The following RERE variants were observed in gnomAD, a reference collection of about 807,000 sequenced individuals.
RERE encodes arginine-glutamic acid dipeptide repeats, also known as arginine-glutamic acid dipeptide repeats protein.
Under a neutral mutation model 146.1 loss-of-function variants are expected in RERE, and 40 were observed. That is an observed-to-expected ratio of 0.27 (90% CI 0.21 to 0.36). The LOEUF (loss-of-function observed/expected upper bound fraction) is 0.36, where lower values mean the gene tolerates loss of function less well. Ranked by LOEUF, RERE falls within the 10% of genes least tolerant of loss-of-function variation. The pLI is 1.00. For synonymous variants in RERE, 1,003 were observed against 866.0 expected (o/e 1.16, Z -2.78); for missense variants, 1,933 against 2,138.7 (o/e 0.90, Z 1.90).
chr1:8,700,473 CATAA>C (rs934805133), intron 1 of RERE, among the ~76,000 whole-genome samples: 1 of 152,016 alleles, frequency 6.6e-6, no homozygotes, highest in African/African-American at 2.4e-5. Context: ...CAAATCTACT[CATAA>C]ATACTTTCTA....
chr1:8,366,101 G>C (rs368768182), intron 12 of RERE, 127 bp from the exon 13 acceptor site: 3 of 997,228 alleles, frequency 3.0e-6, no homozygotes, highest in Non-Finnish European at 1.5e-6. Context: ...AAGACCAGTC[G>C]CTCCTGGAGT....
intron 10 of RERE, 53 bp from the exon 11 acceptor site, chr1:8,466,076 A>C: frequency 6.8e-7 from 1 of 1,464,748 alleles, no homozygotes; most frequent in South Asian, 1.2e-5. Flanking sequence ...CAGACAGGAC[A>C]CAATCGATCC....
chr1:8,802,468 T>A (rs1444680235), intron 1 of RERE, among the ~76,000 whole-genome samples: 1 of 152,266 alleles, frequency 6.6e-6, no homozygotes, highest in Admixed American at 6.5e-5. Context: ...TTCCAGGCTC[T>A]GTGCCTTTGC....
chr1:8,668,192 T>C (rs1240826997), intron 1 of RERE, among the ~76,000 whole-genome samples: 3 of 152,270 alleles, frequency 2.0e-5, no homozygotes, highest in Admixed American at 1.3e-4. Flanking sequence ...AACTATAGTC[T>C]GCCATGTTCT....
intron 1 of RERE, among the ~76,000 whole-genome samples, chr1:8,766,306 A>G (rs1181169263): frequency 6.6e-6 from 1 of 152,086 alleles, no homozygotes. Flanking sequence ...TTGGGAGGCC[A>G]AGGCTGGCAG....
intron 7 of RERE, among the ~76,000 whole-genome samples, chr1:8,523,614 A>G (rs148341331): frequency 2.0e-5 from 3 of 152,136 alleles, no homozygotes; most frequent in South Asian, 2.1e-4. Context: ...TAGCATTCCA[A>G]AAAATATTTT....
intron 12 of RERE, among the ~76,000 whole-genome samples, chr1:8,398,328 G>T (rs558267118): frequency 6.6e-6 from 1 of 152,180 alleles, no homozygotes; most frequent in African/African-American, 2.4e-5. Flanking sequence ...TCAGGCAAGG[G>T]GGTTAGTACT....
rs536778630 is a variant in RERE, at chr1:8,535,427, T to G, written c.830+5787A>C. Among the ~76,000 whole-genome samples the G allele has an allele frequency of 2.0e-5, 3 of 152,282 alleles. No individual in the cohort carries two copies. In the East Asian group the frequency reaches 5.8e-4, roughly 29 times the overall value. On this transcript the variant is annotated intron_variant, in intron 7 of 22. Coordinates refer to ENST00000400908, the MANE Select transcript of RERE (RefSeq NM_001042681.2). ...TTTTGAGGGCTGTATTGTGGTTATG[T>G]AAGAAAATGCTCATGTTCATAGGAA...
At chr1:8,614,754 G>A (rs1207376228) in intron 3 of RERE, 68 bp from the exon 4 acceptor site, 50 of 1,515,906 alleles carry the variant, frequency 3.3e-5, no homozygotes, top group African/African-American at 4.2e-5. Flanking sequence ...TTAGGGGCAC[G>A]CAGCACACAA....
chr1:8,377,667 C>T (rs778726062), intron 12 of RERE, among the ~76,000 whole-genome samples: 1 of 152,002 alleles, frequency 6.6e-6, no homozygotes, highest in Non-Finnish European at 1.5e-5. Flanking sequence ...ATTTATTGGC[C>T]TTTCATTATA....
chr1:8,512,378 C>A (rs1166646576), intron 7 of RERE, among the ~76,000 whole-genome samples: 1 of 151,634 alleles, frequency 6.6e-6, no homozygotes, highest in East Asian at 1.9e-4. Context: ...GCAATGACTA[C>A]ATTTTGTCTT....
At chr1:8,479,074 GA>G (rs1192181320) in intron 10 of RERE, among the ~76,000 whole-genome samples, 2 of 151,942 alleles carry the variant, frequency 1.3e-5, no homozygotes, top group Non-Finnish European at 2.9e-5. Flanking sequence ...CTCAATATCA[GA>G]AACTCCACAC....
At chr1:8,359,640 C>A in intron 19 of RERE, 124 bp downstream of exon 19, 1 of 1,103,308 alleles carries the variant, frequency 9.1e-7, no homozygotes, top group Non-Finnish European at 1.3e-6. Flanking sequence ...TAAATAGCAC[C>A]CAACCCTCTA....
chr1:8,435,310 T>A (rs562388471), intron 11 of RERE, among the ~76,000 whole-genome samples: 1 of 152,328 alleles, frequency 6.6e-6, no homozygotes, highest in African/African-American at 2.4e-5. Context: ...TTCACTATTA[T>A]ATCCCCAGCA....
chr1:8,738,659 G>A (rs1640246998), intron 1 of RERE, among the ~76,000 whole-genome samples: 2 of 152,122 alleles, frequency 1.3e-5, no homozygotes, highest in African/African-American at 2.4e-5. Context: ...AAGGACTTAC[G>A]TGCCAGACAC....
chr1:8,586,681 G>A (rs1413499987), intron 4 of RERE, among the ~76,000 whole-genome samples: 1 of 152,120 alleles, frequency 6.6e-6, no homozygotes, highest in African/African-American at 2.4e-5. Context: ...TGCACTATAT[G>A]AGCAGATAAA....
chr1:8,674,378 C>T (rs1372173746), intron 1 of RERE, among the ~76,000 whole-genome samples: 2 of 152,118 alleles, frequency 1.3e-5, no homozygotes, highest in Non-Finnish European at 1.5e-5. Context: ...ACAGCTACGT[C>T]TTCAGAGGTT....
intron 1 of RERE, among the ~76,000 whole-genome samples, chr1:8,734,774 G>C (rs1416160812): frequency 1.3e-5 from 2 of 152,122 alleles, no homozygotes; most frequent in Non-Finnish European, 2.9e-5. Flanking sequence ...AAGCCATTAT[G>C]AACTACTGGA....
At position 8,358,600 on chromosome 1, in the gene RERE, C is replaced by T. The variant is rs757673620; in HGVS notation, c.3935G>A (p.Arg1312Gln). ...RELREREIRE[R>Q]EIRERELRER... ...CCGCAGCTCCCGCTCTCGGATCTCC[C>T]GCTCTCGGATCTCCCGCTCCCGGAG... The change falls in exon 20 of 23, where the codon CGG becomes CAG. Residue 1312 changes from arginine (R) to glutamine (Q), a missense_variant. Arg to Gln is a conservative substitution (Grantham distance 43). Transcript: ENST00000400908. 10 of 1,600,938 alleles carry T rather than the reference C, an allele frequency of 6.2e-6. No individual in the cohort carries two copies. The highest frequency in any genetic ancestry group is 1.1e-5 in the South Asian group (1 of 88,438).
Sources: allele counts gnomAD v4.1 joint callset (sites outside exome capture counted in the v4.1 genomes callset), GRCh38; gene constraint gnomAD v4.1.1; transcripts MANE v1.5; gene names NCBI Gene and HGNC (gene_info 2026-07-23, HGNC 2026-07-21).